PCDH15: variants seen among roughly 807,000 people sequenced by gnomAD.
PCDH15 encodes the protein protocadherin-15.
In PCDH15, 129 loss-of-function variants were observed where a neutral mutation model predicts 178.5. The observed-to-expected ratio is 0.72, with a 90% CI of 0.63 to 0.84. PCDH15 has a LOEUF of 0.84. Ranked by LOEUF, PCDH15 falls within the 40% of genes least tolerant of loss-of-function variation. The pLI is 0.00. For synonymous variants in PCDH15, 800 were observed against 732.0 expected (o/e 1.09, Z -1.50); for missense variants, 2,230 against 2,099.9 (o/e 1.06, Z -1.21).
chr10:54,921,989 A>T (rs537447850), intron 2 of PCDH15, among the ~76,000 whole-genome samples: 18 of 152,210 alleles, frequency 1.2e-4, no homozygotes, highest in African/African-American at 4.3e-4. Flanking sequence ...GTGAAAACTC[A>T]CTCACTATCA....
chr10:55,548,226 A>G (rs1362180665), intron 2 of PCDH15, among the ~76,000 whole-genome samples: 3 of 151,020 alleles, frequency 2.0e-5, no homozygotes, highest in South Asian at 2.1e-4. Flanking sequence ...ACACACACAC[A>G]CACACACACA....
At chr10:55,396,658 T>C (rs909706658) in intron 2 of PCDH15, among the ~76,000 whole-genome samples, 11 of 152,336 alleles carry the variant, frequency 7.2e-5, no homozygotes, top group Admixed American at 3.9e-4. Flanking sequence ...CACAGGGTCA[T>C]ACACTCTGAT....
intron 2 of PCDH15, among the ~76,000 whole-genome samples, chr10:55,115,313 G>A (rs1837603346): frequency 6.6e-6 from 1 of 152,162 alleles, no homozygotes; most frequent in Non-Finnish European, 1.5e-5. Context: ...AAAGGCCTTT[G>A]ACACTGGTAG....
At chr10:54,262,743 C>G (rs772735015) in intron 8 of PCDH15, among the ~76,000 whole-genome samples, 1 of 152,190 alleles carries the variant, frequency 6.6e-6, no homozygotes, top group Non-Finnish European at 1.5e-5. Flanking sequence ...GACACCCCTC[C>G]CTTTGCAAGA....
intron 1 of PCDH15, among the ~76,000 whole-genome samples, chr10:55,232,099 C>G (rs772921219): frequency 6.6e-6 from 1 of 151,846 alleles, no homozygotes; most frequent in Non-Finnish European, 1.5e-5. Context: ...CTATTTGACC[C>G]TATTCCATAT....
In PCDH15 at chr10:55,209,384, C is replaced by T. The variant is rs371423638; in HGVS notation, c.-155-42733G>A. On this transcript the variant is annotated intron_variant, in intron 1 of 5. Transcript: ENST00000458638. ...ATGTACTTTAAATCCATCACTCTAA[C>T]ATATTTGTGAACAATGGAGAGTAGG... is the stretch of plus-strand genomic sequence containing the variant. 2.8e-4 allele frequency among the ~76,000 whole-genome samples: 42 copies of T among 152,204 alleles called. No homozygotes were observed. In the South Asian group the frequency reaches 7.9e-3, roughly 29 times the overall value.
chr10:54,962,306 G>A (rs539986847), intron 2 of PCDH15, among the ~76,000 whole-genome samples: 13 of 152,262 alleles, frequency 8.5e-5, no homozygotes, highest in East Asian at 3.9e-4. Flanking sequence ...GCCACCCCAC[G>A]TGATGGGAAG....
chr10:55,519,311 T>G (rs1013610607), intron 2 of PCDH15, among the ~76,000 whole-genome samples: 1 of 145,358 alleles, frequency 6.9e-6, no homozygotes, highest in South Asian at 2.1e-4. Context: ...CCCAATAGAT[T>G]ATATACTGTA....
chr10:54,033,829 T>TTA (rs1423265703), intron 18 of PCDH15, among the ~76,000 whole-genome samples: 1 of 152,032 alleles, frequency 6.6e-6, no homozygotes, highest in Non-Finnish European at 1.5e-5. Context: ...TCAGGTGTTT[T>TTA]TATAGGTCCT....
At chr10:55,405,420 C>T (rs1038831419) in intron 2 of PCDH15, among the ~76,000 whole-genome samples, 6 of 150,956 alleles carry the variant, frequency 4.0e-5, no homozygotes, top group Non-Finnish European at 5.9e-5. Context: ...TAACATCACT[C>T]ATATGTGTCA....
chr10:54,508,117 T>A (rs933810316), intron 3 of PCDH15, among the ~76,000 whole-genome samples: 6 of 152,024 alleles, frequency 3.9e-5, no homozygotes, highest in Non-Finnish European at 7.4e-5. Context: ...ATCATGTAAC[T>A]AGGACATAGA....
intron 2 of PCDH15, among the ~76,000 whole-genome samples, chr10:54,915,541 G>C (rs1437308451): frequency 6.6e-6 from 1 of 152,072 alleles, no homozygotes; most frequent in Non-Finnish European, 1.5e-5. Context: ...GTAAAATAGA[G>C]GCCTCTGGAA....
intron 2 of PCDH15, among the ~76,000 whole-genome samples, chr10:55,500,152 G>A (rs950991790): frequency 2.1e-5 from 3 of 145,140 alleles, no homozygotes; most frequent in South Asian, 4.1e-4. Context: ...CATCAGATAA[G>A]AACAGCAGAA....
chr10:54,081,362 T>C (rs1392886256), intron 16 of PCDH15, among the ~76,000 whole-genome samples: 3 of 151,944 alleles, frequency 2.0e-5, no homozygotes, highest in East Asian at 1.9e-4. Flanking sequence ...ATACTATATG[T>C]ATTATTCCAA....
intron 8 of PCDH15, among the ~76,000 whole-genome samples, chr10:54,273,269 A>G (rs1406963266): frequency 6.6e-6 from 1 of 152,128 alleles, no homozygotes; most frequent in African/African-American, 2.4e-5. Context: ...TACTGAATAC[A>G]GCAAAAGCTG....
intron 1 of PCDH15, among the ~76,000 whole-genome samples, chr10:55,263,801 C>T (rs1464267647): frequency 6.6e-6 from 1 of 152,106 alleles, no homozygotes; most frequent in Non-Finnish European, 1.5e-5. Flanking sequence ...GTGGTGCGAT[C>T]TCGGCTCACT....
intron 17 of PCDH15, among the ~76,000 whole-genome samples, chr10:54,078,367 AAAAT>A (rs1328914473): frequency 1.3e-5 from 2 of 151,928 alleles, no homozygotes; most frequent in Non-Finnish European, 2.9e-5. Flanking sequence ...AAATCCTCCT[AAAAT>A]AAATGTGAAG....
At chr10:54,439,785 C>T (rs1020835757) in intron 3 of PCDH15, among the ~76,000 whole-genome samples, 1 of 151,958 alleles carries the variant, frequency 6.6e-6, no homozygotes, top group African/African-American at 2.4e-5. Context: ...AAATTAATAA[C>T]TTTGCTACCA....
At chr10:54,434,824 T>C (rs2075275531) in intron 3 of PCDH15, among the ~76,000 whole-genome samples, 1 of 152,186 alleles carries the variant, frequency 6.6e-6, no homozygotes. Context: ...TCTTACATCT[T>C]TTACTTTGTT....
Sources: allele counts gnomAD v4.1 joint callset (sites outside exome capture counted in the v4.1 genomes callset), GRCh38; gene constraint gnomAD v4.1.1; transcripts MANE v1.5; gene names NCBI Gene and HGNC (gene_info 2026-07-23, HGNC 2026-07-21).